NOL4L: variants seen among roughly 807,000 people sequenced by gnomAD.
NOL4L encodes the protein nucleolar protein 4 like, also known as nucleolar protein 4-like.
Under a neutral mutation model 64.5 loss-of-function variants are expected in NOL4L, and 7 were observed. The ratio of observed to expected loss-of-function variants is 0.11; its 90% CI spans 0.06 to 0.20. The LOEUF is 0.20. Among genes scored for constraint, NOL4L ranks in the 10% least tolerant of loss-of-function variants. NOL4L has a pLI of 1.00. For missense variants in NOL4L, 680 were observed against 967.1 expected (o/e 0.70, Z 3.94); for synonymous variants, 413 against 401.0 (o/e 1.03, Z -0.36).
intron 4 of NOL4L, among the ~76,000 whole-genome samples, chr20:32,482,365 A>C (rs1250061210): frequency 6.6e-6 from 1 of 152,134 alleles, no homozygotes; most frequent in Admixed American, 6.5e-5. Context: ...AGCGAGGCTT[A>C]ATGAGAACTT....
At chr20:32,512,171 G>C (rs1481263372) in intron 3 of NOL4L, among the ~76,000 whole-genome samples, 1 of 152,168 alleles carries the variant, frequency 6.6e-6, no homozygotes, top group Non-Finnish European at 1.5e-5. Flanking sequence ...ACTTCTTTTA[G>C]ACAGGGTGTG....
Position 32,584,685 on chromosome 20 carries a change from G to A in NOL4L, c.206C>T (p.Ala69Val), listed in dbSNP as rs1318166761. The A allele has an allele frequency of 1.9e-6, 3 of 1,548,118 alleles. No individual in the cohort carries two copies. The East Asian group carries it at 7.4e-5, about 38-fold the overall frequency. Residue 69 changes from alanine to valine, a missense_variant, in exon 1 of 11, where the codon GCA becomes GTA. This residue lies in a region of NOL4L where 181 missense variants were observed against 335.2 expected (regional missense o/e 0.54). Transcript: ENST00000621426. ...GGGTGAGSGP[A>V]AGEKGKFQFW... ...CTGGAACTTGCCTTTCTCGCCGGCT[G>A]CGGGGCCGCTGCCCGCGCCAGTCCC...
intron 1 of NOL4L, among the ~76,000 whole-genome samples, chr20:32,564,299 G>A (rs889818672): frequency 1.3e-5 from 2 of 152,200 alleles, no homozygotes; most frequent in Non-Finnish European, 2.9e-5. Flanking sequence ...TGATTCCCAC[G>A]AACGTTCCAG....
intron 4 of NOL4L, among the ~76,000 whole-genome samples, chr20:32,493,839 T>G (rs1471305336): frequency 1.3e-5 from 2 of 152,204 alleles, no homozygotes; most frequent in African/African-American, 4.8e-5. Context: ...GGCCTCAGCT[T>G]GTCCCTACCC....
rs373265512 is a variant in NOL4L, at chr20:32,553,858, G to A, written c.322-25945C>T. Among the ~76,000 whole-genome samples, 73 of 152,312 alleles carry A rather than the reference G, an allele frequency of 4.8e-4. 1 individual carries two copies. The South Asian group carries it at 0.013, about 27-fold the overall frequency. On this transcript the variant is annotated intron_variant, in intron 1 of 10. Transcript: ENST00000621426. ...GGAAAAACTAGTGAAATAAAAAGAA[G>A]TATGAGTTAATAGTGACGTGCCTGG...
chr20:32,581,764 C>T (rs868687888), intron 1 of NOL4L, among the ~76,000 whole-genome samples: 4 of 152,276 alleles, frequency 2.6e-5, no homozygotes, highest in South Asian at 2.1e-4. Flanking sequence ...CCAGTGCCCG[C>T]ACAAGGACTG....
At chr20:32,530,738 A>G (rs1044451258) in intron 1 of NOL4L, among the ~76,000 whole-genome samples, 13 of 152,242 alleles carry the variant, frequency 8.5e-5, no homozygotes, top group African/African-American at 2.6e-4. Flanking sequence ...CCTGACCAAC[A>G]TGGAGAAACC....
At chr20:32,565,490 G>A (rs1402419675) in intron 1 of NOL4L, among the ~76,000 whole-genome samples, 1 of 152,164 alleles carries the variant, frequency 6.6e-6, no homozygotes, top group Non-Finnish European at 1.5e-5. Flanking sequence ...GGGGGTGTAA[G>A]GGCACTGGAC....
At chr20:32,547,355 A>G (rs2018746547) in intron 1 of NOL4L, among the ~76,000 whole-genome samples, 2 of 152,198 alleles carry the variant, frequency 1.3e-5, no homozygotes, top group Non-Finnish European at 2.9e-5. Flanking sequence ...AAGTGGCTCA[A>G]TCATGACTCA....
intron 4 of NOL4L, among the ~76,000 whole-genome samples, chr20:32,488,782 C>CTTCCTTT (rs2016236209): frequency 2.2e-4 from 10 of 45,746 alleles, no homozygotes; most frequent in African/African-American, 9.8e-4. Flanking sequence ...TTCCTTCCTT[C>CTTCCTTT]CTTCCTTCCT....
At chr20:32,455,318 G>T (rs187951544) in intron 6 of NOL4L, among the ~76,000 whole-genome samples, 1 of 152,358 alleles carries the variant, frequency 6.6e-6, no homozygotes, top group East Asian at 1.9e-4. Flanking sequence ...CCTGCTCCCA[G>T]CCACCTGTGC....
intron 1 of NOL4L, chr20:32,536,102 T>C (rs767083619): frequency 3.3e-5 from 33 of 985,372 alleles, no homozygotes; most frequent in Non-Finnish European, 3.5e-5. Context: ...CGCCACCTCA[T>C]AGGAAGTGTG....
At chr20:32,465,037 TG>T (rs1186553209) in intron 5 of NOL4L, 1 of 636,684 alleles carries the variant, frequency 1.6e-6, no homozygotes. Flanking sequence ...GCAGAGACCC[TG>T]GGGTTCCTGG....
At chr20:32,529,573 A>G (rs1303755775) in intron 1 of NOL4L, among the ~76,000 whole-genome samples, 1 of 152,188 alleles carries the variant, frequency 6.6e-6, no homozygotes, top group Non-Finnish European at 1.5e-5. Flanking sequence ...TCGACACACC[A>G]TGATGGCCGA....
At chr20:32,462,862 G>A (rs1411151373) in intron 5 of NOL4L, among the ~76,000 whole-genome samples, 4 of 134,496 alleles carry the variant, frequency 3.0e-5, no homozygotes, top group Admixed American at 2.5e-4. Flanking sequence ...ACAAGATCGC[G>A]CCATTGGACT....
At chr20:32,455,190 G>A (rs2013365153) in intron 6 of NOL4L, among the ~76,000 whole-genome samples, 1 of 152,158 alleles carries the variant, frequency 6.6e-6, no homozygotes, top group Non-Finnish European at 1.5e-5. Context: ...CACTTCCCTG[G>A]GCCCCCCATG....
intron 4 of NOL4L, among the ~76,000 whole-genome samples, chr20:32,510,953 G>C (rs944444790): frequency 6.6e-6 from 1 of 152,126 alleles, no homozygotes; most frequent in African/African-American, 2.4e-5. Flanking sequence ...GAGTGACAGA[G>C]GCCACAGGCA....
In NOL4L at chr20:32,453,878, G is replaced by A; in HGVS notation, c.1120-117C>T. The A allele has an allele frequency of 5.5e-6, 5 of 911,624 alleles. No homozygotes were observed. Among genetic ancestry groups the A allele is most frequent in the Non-Finnish European group, 6.7e-6 (4 of 600,368 alleles). 56.5% of individuals were successfully genotyped at this position (911,624 alleles called of 1,614,324 possible). A position where few individuals can be genotyped will look rare whatever the true frequency, so the allele number is the denominator to read the frequency against. On this transcript the variant is annotated intron_variant, in intron 6 of 10. Coordinates refer to ENST00000621426, the MANE Select transcript of NOL4L (RefSeq NM_001256798.2). The surrounding 1 kb of genome is among the most constrained non-coding windows in gnomAD (Gnocchi z 5.6). The stretch of plus-strand genomic sequence containing the variant: ...TGGCACGCATGCCCTGCTGCCACGA[G>A]AGCCATAGCTGCGAGGCCCTGAGCA...
At chr20:32,512,118 C>T (rs1232338171) in intron 3 of NOL4L, among the ~76,000 whole-genome samples, 1 of 152,178 alleles carries the variant, frequency 6.6e-6, no homozygotes, top group African/African-American at 2.4e-5. Flanking sequence ...CCACATGGGG[C>T]CCCCACTCCC....
Sources: gnomAD v4.1 joint callset for allele counts (sites outside exome capture counted in the v4.1 genomes callset) on GRCh38, gnomAD v4.1.1 for gene constraint, gnomAD v4.1.1 regional missense constraint, Gnocchi (gnomAD v3.1) non-coding constraint, MANE v1.5 for transcripts, NCBI Gene and HGNC (gene_info 2026-07-23, HGNC 2026-07-21) for gene names.